Variants in SPICE1 observed in about 807,000 individuals in gnomAD.
SPICE1 encodes spindle and centriole-associated protein 1.
Under a neutral mutation model 102.7 loss-of-function variants are expected in SPICE1, and 75 were observed. The observed-to-expected ratio is 0.73, with a 90% CI of 0.61 to 0.88. SPICE1 has a LOEUF of 0.88. Ranked by LOEUF, SPICE1 falls within the 40% of genes least tolerant of loss-of-function variation. SPICE1 has a pLI of 0.00. For missense variants in SPICE1, 979 were observed against 1,020.1 expected (o/e 0.96, Z 0.55); for synonymous variants, 308 against 350.3 (o/e 0.88, Z 1.35).
Position 113,453,563 on chromosome 3 carries a change from A to G in SPICE1, c.2045T>C (p.Ile682Thr). Residue 682 changes from isoleucine (I) to threonine (T), a missense_variant, in exon 14 of 18, where the codon ATC becomes ACC. Physicochemically the swap from Ile to Thr is moderately conservative, Grantham distance 89. Coordinates refer to ENST00000295872, the MANE Select transcript of SPICE1 (RefSeq NM_144718.4). ...IADLTLQNSA[I>T]KAHMNNIIEP... Reference sequence around the variant, plus strand: ...AATAATATTATTCATATGTGCCTTGATAGCTGAATTCTGCAATGTCAAATC... The same window carrying G: ...AATAATATTATTCATATGTGCCTTGGTAGCTGAATTCTGCAATGTCAAATC... The G allele has an allele frequency of 2.5e-6, 4 of 1,614,178 alleles. No homozygotes were observed. Among genetic ancestry groups the G allele is most frequent in the Non-Finnish European group, 3.4e-6 (4 of 1,180,030 alleles).
rs577114699 is a variant in SPICE1 at position 113,498,001 on chromosome 3, C to G, written c.291+1438G>C. ...AAGCAATTCTCCCACCTCAGCCTCC[C>G]AAGTAGCTGGGATTACAGGCACCCG... On this transcript the variant is annotated intron_variant, in intron 4 of 17. Transcript: ENST00000295872. 2.6e-5 allele frequency among the ~76,000 whole-genome samples: 4 copies of G among 152,128 alleles called. No homozygotes were observed. The East Asian group carries it at 7.7e-4, about 29-fold the overall frequency.
chr3:113,468,511 T>C, intron 9 of SPICE1, 107 bp from the exon 10 acceptor site: 2 of 1,301,834 alleles, frequency 1.5e-6, no homozygotes, highest in South Asian at 1.4e-5. Context: ...AAGGCTTGTA[T>C]AGACGATATC....
chr3:113,512,405 C>CTTTT lies in SPICE1; in HGVS notation c.-1+2488_-1+2491dup, dbSNP rs34015506. Among the ~76,000 whole-genome samples the CTTTT allele has an allele frequency of 4.9e-3, 513 of 104,274 alleles. 1 individual carries two copies. The highest frequency in any genetic ancestry group is 6.5e-3 in the Non-Finnish European group (346 of 53,520). 68.4% of individuals were successfully genotyped at this position (104,274 alleles called of 152,430 possible). ...CCCCACCTTTGCACTGAAAAGCTTT[C>CTTTT]TTTTTTTTTTTTTTTTTTTTTTGAG... On this transcript the variant is annotated intron_variant, in intron 1 of 17. Coordinates refer to ENST00000295872, the MANE Select transcript of SPICE1 (RefSeq NM_144718.4).
rs1935478545 is a variant in SPICE1, at chr3:113,444,992, A to C, written c.*315T>G. On this transcript the variant is annotated 3_prime_UTR_variant, in exon 18 of 18. Coordinates refer to ENST00000295872, the MANE Select transcript of SPICE1 (RefSeq NM_144718.4). ...AACTAAGATATACTAAACCTCAAAA[A>C]ACCCTGAATAAAGATAAAGGTAAAA... 5.5e-6 allele frequency: 1 copy of C among 181,316 alleles called. No homozygotes were observed. Among genetic ancestry groups the C allele is most frequent in the Non-Finnish European group, 1.1e-5 (1 of 87,542 alleles). 11.2% of individuals were successfully genotyped at this position (181,316 alleles called of 1,614,324 possible).
At chr3:113,486,962 G>A (rs945888363) in intron 7 of SPICE1, among the ~76,000 whole-genome samples, 1 of 151,730 alleles carries the variant, frequency 6.6e-6, no homozygotes, top group African/African-American at 2.4e-5. Flanking sequence ...AAGGGTAAGT[G>A]TAGACGGGAA....
intron 1 of SPICE1, among the ~76,000 whole-genome samples, chr3:113,510,741 T>C (rs1414083010): frequency 1.3e-5 from 2 of 152,044 alleles, no homozygotes; most frequent in African/African-American, 4.8e-5. Flanking sequence ...CAAAAGCAAT[T>C]GTAACGAAAG....
chr3:113,472,360 C>G (rs1186119940), intron 7 of SPICE1, among the ~76,000 whole-genome samples: 3 of 152,250 alleles, frequency 2.0e-5, no homozygotes, highest in Non-Finnish European at 4.4e-5. Context: ...GGGCAGGGCA[C>G]AGACAAACAA....
intron 12 of SPICE1, among the ~76,000 whole-genome samples, chr3:113,458,829 G>C (rs186337052): frequency 6.7e-6 from 1 of 150,030 alleles, no homozygotes; most frequent in Non-Finnish European, 1.5e-5. Context: ...CCGCTGCCCC[G>C]TCTGAGAGGT....
At chr3:113,480,932 A>AGAAAGAAAGAAAGAAAGAAAG (rs1553768655) in intron 7 of SPICE1, among the ~76,000 whole-genome samples, 1 of 62,626 alleles carries the variant, frequency 1.6e-5, no homozygotes, top group Non-Finnish European at 3.2e-5. Flanking sequence ...AAGAAAGAAA[A>AGAAAGAAAGAAAGAAAGAAAG]AAGACCTCAG....
intron 7 of SPICE1, among the ~76,000 whole-genome samples, chr3:113,478,567 A>T (rs1936416438): frequency 6.6e-6 from 1 of 152,180 alleles, no homozygotes; most frequent in South Asian, 2.1e-4. Flanking sequence ...AAAACACAAG[A>T]ATCACTTTTA....
At chr3:113,453,404 C>T in intron 14 of SPICE1, 62 bp downstream of exon 14, 2 of 1,518,058 alleles carry the variant, frequency 1.3e-6, no homozygotes, top group Non-Finnish European at 1.8e-6. Context: ...CTTAAGTTGC[C>T]CAAGCTAAAG....
chr3:113,500,048 T>C (rs1221709702), intron 3 of SPICE1, among the ~76,000 whole-genome samples: 2 of 152,088 alleles, frequency 1.3e-5, no homozygotes, highest in Non-Finnish European at 2.9e-5. Context: ...ATCATCACAC[T>C]ACTACCAAGA....
rs545664854 is a variant in SPICE1 at position 113,494,731 on chromosome 3, A to G, written c.292-589T>C. Among the ~76,000 whole-genome samples the G allele has an allele frequency of 3.9e-5, 6 of 152,312 alleles. No homozygotes were observed. In the East Asian group the frequency reaches 1.2e-3, roughly 29 times the overall value. ...AAAATAAAAGTTTTAATTAAATAAA[A>G]AGTTAATTAAAATAAAAGTTTTAAT... On this transcript the variant is annotated intron_variant, in intron 4 of 17. Coordinates refer to ENST00000295872, the MANE Select transcript of SPICE1 (RefSeq NM_144718.4).
intron 6 of SPICE1, among the ~76,000 whole-genome samples, chr3:113,490,618 G>T (rs1429321872): frequency 6.6e-6 from 1 of 151,730 alleles, no homozygotes; most frequent in African/African-American, 2.4e-5. Context: ...TTCCAGCCTG[G>T]GTGACACAGC....
chr3:113,499,724 C>T (rs527797716), intron 3 of SPICE1, 142 bp from the exon 4 acceptor site: 2 of 800,406 alleles, frequency 2.5e-6, no homozygotes, highest in East Asian at 3.1e-5. Context: ...ATATTCATAG[C>T]CAAAATTTTC....
Position 113,453,689 on chromosome 3 carries a change from C to A in SPICE1, c.1919G>T (p.Ser640Ile). Residue 640 changes from serine (S) to isoleucine (I), a missense_variant, in exon 14 of 18, where the codon AGC (serine) becomes ATC (isoleucine). Ser to Ile is a moderately radical substitution (Grantham distance 142). Transcript: ENST00000295872. ...NSHSNTQQSR[S>I]PTFSEELPVL... ...TGGGAGCTCTTCTGAGAATGTGGGG[C>A]TTCTTGACTGTTGAGTGTTGGAATG... 6.2e-7 allele frequency: 1 copy of A among 1,614,076 alleles called. No individual in the cohort carries two copies.
intron 2 of SPICE1, among the ~76,000 whole-genome samples, chr3:113,505,703 C>A (rs985029004): frequency 7.9e-5 from 12 of 152,126 alleles, no homozygotes; most frequent in African/African-American, 2.9e-4. Context: ...GAGTTTAAGA[C>A]CAACCTGGGC....
rs186337052 is a variant in SPICE1, at chr3:113,458,829, G to A, written c.1436-1472C>T. On this transcript the variant is annotated intron_variant, in intron 12 of 17. Transcript: ENST00000295872. Reference sequence around the variant, plus strand: ...GGGAGCGTCTCTGCCCCGCTGCCCCGTCTGAGAGGTGAAGAGCGCCTCTGC... The same window carrying A: ...GGGAGCGTCTCTGCCCCGCTGCCCCATCTGAGAGGTGAAGAGCGCCTCTGC... 1.3e-4 allele frequency among the ~76,000 whole-genome samples: 20 copies of A among 150,126 alleles called. No individual in the cohort carries two copies. In the East Asian group the frequency reaches 2.8e-3, roughly 21 times the overall value.
At chr3:113,477,551 G>A (rs1419347715) in intron 7 of SPICE1, among the ~76,000 whole-genome samples, 3 of 151,914 alleles carry the variant, frequency 2.0e-5, no homozygotes, top group South Asian at 2.1e-4. Context: ...GTCCAACAAC[G>A]ATAGACTGGA....
Sources: allele counts gnomAD v4.1 joint callset (sites outside exome capture counted in the v4.1 genomes callset), GRCh38; gene constraint gnomAD v4.1.1; transcripts MANE v1.5; gene names NCBI Gene and HGNC (gene_info 2026-07-23, HGNC 2026-07-21).